C3orf20: variants seen among roughly 807,000 people sequenced by gnomAD.
C3orf20 encodes the protein uncharacterized protein C3orf20.
C3orf20 carries 76 observed loss-of-function variants against 88.3 expected under a neutral mutation model. The observed-to-expected ratio is 0.86, with a 90% CI of 0.72 to 1.04. The LOEUF (loss-of-function observed/expected upper bound fraction) is 1.04, where lower values mean the gene tolerates loss of function less well. Among genes scored for constraint, C3orf20 ranks in the 50% least tolerant of loss-of-function variants. The pLI is 0.00. For missense variants in C3orf20, 1,056 were observed against 1,123.3 expected (o/e 0.94, Z 0.86); for synonymous variants, 436 against 437.4 (o/e 1.00, Z 0.04).
rs7644603 is a variant in C3orf20, at chr3:14,710,151, A to G, written c.1161-3856A>G. On this transcript the variant is annotated intron_variant, in intron 7 of 16. Transcript: ENST00000253697. ...TACGTTATCTGACTTTATGGTGTAC[A>G]GCTATTCATATTATTGTATCATTGT... Among the ~76,000 whole-genome samples the G allele has an allele frequency of 5.7e-3, 866 of 151,660 alleles. 7 individuals carry two copies. Among genetic ancestry groups the G allele is most frequent in the African/African-American group, 0.018 (744 of 41,432 alleles).
intron 12 of C3orf20, among the ~76,000 whole-genome samples, chr3:14,745,623 A>G (rs1057111673): frequency 1.3e-5 from 2 of 152,214 alleles, no homozygotes; most frequent in Non-Finnish European, 2.9e-5. Flanking sequence ...CTATATCTGT[A>G]AATAAATTCC....
intron 4 of C3orf20, among the ~76,000 whole-genome samples, chr3:14,687,910 T>C (rs2032513396): frequency 6.6e-6 from 1 of 152,154 alleles, no homozygotes; most frequent in South Asian, 2.1e-4. Flanking sequence ...CACCAGCCGA[T>C]TGCTGAGAGC....
At chr3:14,707,406 T>C (rs1368365605) in intron 7 of C3orf20, among the ~76,000 whole-genome samples, 1 of 151,916 alleles carries the variant, frequency 6.6e-6, no homozygotes, top group Non-Finnish European at 1.5e-5. Context: ...GGTTTTAACT[T>C]ATGTTTACCT....
intron 12 of C3orf20, among the ~76,000 whole-genome samples, chr3:14,752,966 G>A (rs746222552): frequency 3.3e-5 from 5 of 152,158 alleles, no homozygotes; most frequent in African/African-American, 4.8e-5. Context: ...AATACCATTT[G>A]ACCCAGCAAT....
intron 7 of C3orf20, among the ~76,000 whole-genome samples, chr3:14,712,916 A>G (rs2033807038): frequency 6.6e-6 from 1 of 152,130 alleles, no homozygotes; most frequent in African/African-American, 2.4e-5. Context: ...ATTTTGCTTG[A>G]TATAGAATTG....
chr3:14,767,798 G>A (rs1375020281), intron 15 of C3orf20, among the ~76,000 whole-genome samples: 2 of 152,254 alleles, frequency 1.3e-5, no homozygotes, highest in Non-Finnish European at 2.9e-5. Flanking sequence ...CGCCCTCACG[G>A]GCCTGCTCTC....
rs549838797 is a variant in C3orf20, at chr3:14,708,571, A to G, written c.1160+3953A>G. Among the ~76,000 whole-genome samples, 6 of 152,190 alleles carry G rather than the reference A, an allele frequency of 3.9e-5. No individual in the cohort carries two copies. In the East Asian group the frequency reaches 9.6e-4, roughly 24 times the overall value. On this transcript the variant is annotated intron_variant, in intron 7 of 16. Coordinates refer to ENST00000253697, the MANE Select transcript of C3orf20 (RefSeq NM_032137.5). ...CCATTTCCACAAAAAAAAGGCAATA[A>G]GATTTTGATAGGCATTGCATTGATT...
At chr3:14,686,156 A>G (rs1208136494) in intron 4 of C3orf20, among the ~76,000 whole-genome samples, 1 of 150,974 alleles carries the variant, frequency 6.6e-6, no homozygotes, top group Non-Finnish European at 1.5e-5. Flanking sequence ...CACCACGCCC[A>G]GCCCAGGATT....
chr3:14,699,464 G>A (rs535897367), intron 5 of C3orf20, among the ~76,000 whole-genome samples: 36 of 152,270 alleles, frequency 2.4e-4, no homozygotes, highest in South Asian at 6.2e-4. Context: ...TTCAGTCAGC[G>A]GGTGATGGGT....
At position 14,772,255 on chromosome 3, in the gene C3orf20, G is replaced by A. The variant is rs550350366; in HGVS notation, c.2630+54G>A. The A allele has an allele frequency of 9.9e-6, 16 of 1,611,790 alleles. No individual in the cohort carries two copies. In the Middle Eastern group the frequency reaches 5.0e-4, roughly 51 times the overall value. ...GGCGTGGCTCACAGCAGGCCACCTC[G>A]GGGCTATTTGGCCTTGGGCAAGTCA... On this transcript the variant is annotated intron_variant, in intron 16 of 16. Transcript: ENST00000253697. This position sits in a 1 kb window ranked among gnomAD's most constrained non-coding sequence, Gnocchi z 4.2.
intron 12 of C3orf20, among the ~76,000 whole-genome samples, chr3:14,731,598 C>T (rs1444826077): frequency 2.6e-5 from 4 of 152,116 alleles, no homozygotes; most frequent in Admixed American, 6.6e-5. Flanking sequence ...AATGTTTCTG[C>T]TAAGGAAGCC....
chr3:14,692,225 T>A (rs879798974), intron 5 of C3orf20, among the ~76,000 whole-genome samples: 1 of 152,244 alleles, frequency 6.6e-6, no homozygotes, highest in African/African-American at 2.4e-5. Flanking sequence ...CAGATATCTC[T>A]TCATTATACT....
chr3:14,763,541 TG>T (rs1344875031), intron 15 of C3orf20, among the ~76,000 whole-genome samples: 1 of 152,164 alleles, frequency 6.6e-6, no homozygotes, highest in Non-Finnish European at 1.5e-5. Context: ...CATATCAATT[TG>T]GGGGGACATA....
At chr3:14,753,887 C>G (rs1016186711) in intron 12 of C3orf20, among the ~76,000 whole-genome samples, 2 of 152,138 alleles carry the variant, frequency 1.3e-5, no homozygotes, top group Non-Finnish European at 2.9e-5. Context: ...AAAACAAAAA[C>G]AAAACTCTTC....
chr3:14,772,956 G>C lies in C3orf20; in HGVS notation c.*81G>C. On this transcript the variant is annotated 3_prime_UTR_variant, in exon 17 of 17. Transcript: ENST00000253697. This position sits in a 1 kb window ranked among gnomAD's most constrained non-coding sequence, Gnocchi z 4.2. ...CTTGCCAGCCCAGCCCTGCCTCCCC[G>C]GTCTCCCACCCTGTCCTCCAAGCTT... 9.7e-7 allele frequency: 1 copy of C among 1,028,810 alleles called. No individual in the cohort carries two copies. Among genetic ancestry groups the C allele is most frequent in the South Asian group, 1.3e-5 (1 of 77,290 alleles). The allele number at this position is 1,028,810 out of a possible 1,614,324, so 63.7% of individuals were successfully genotyped here.
Position 14,772,024 on chromosome 3 carries a change from C to T in C3orf20, c.2496-43C>T, listed in dbSNP as rs758436534. 5 of 1,612,640 alleles carry T rather than the reference C, an allele frequency of 3.1e-6. No individual in the cohort carries two copies. The highest frequency in any genetic ancestry group is 3.4e-6 in the Non-Finnish European group (4 of 1,179,276). On this transcript the variant is annotated intron_variant, in intron 15 of 16. Coordinates refer to ENST00000253697, the MANE Select transcript of C3orf20 (RefSeq NM_032137.5). The surrounding 1 kb of genome is among the most constrained non-coding windows in gnomAD (Gnocchi z 4.2). ...CACTGATGGGACAGCGTGCAGTGCA[C>T]CCTGGGCCCTGAGCACTGCCCCCGA...
intron 7 of C3orf20, among the ~76,000 whole-genome samples, chr3:14,710,266 A>G (rs961544053): frequency 4.0e-5 from 6 of 151,646 alleles, no homozygotes; most frequent in Admixed American, 2.0e-4. Context: ...TCAGTCTACT[A>G]GAAGTTTGTG....
intron 12 of C3orf20, among the ~76,000 whole-genome samples, chr3:14,754,328 A>G (rs2035302142): frequency 1.3e-5 from 2 of 152,238 alleles, no homozygotes; most frequent in Non-Finnish European, 1.5e-5. Flanking sequence ...CTGATCCCTC[A>G]GGGAACCTCT....
chr3:14,704,376 C>T lies in C3orf20; in HGVS notation c.918C>T (p.Ser306=), dbSNP rs1177492058. The T allele has an allele frequency of 2.5e-6, 4 of 1,613,976 alleles. No individual in the cohort carries two copies. In the South Asian group the frequency reaches 4.4e-5, roughly 18 times the overall value. The part of the protein sequence containing the change: ...ERATWKGRNI[S]YPMILRNYKA... ...CCACATGGAAAGGGAGGAATATCTCCTACCCCATGATCTTACGAAACTACA... is the reference window on the plus strand; with the variant it reads ...CCACATGGAAAGGGAGGAATATCTCTTACCCCATGATCTTACGAAACTACA... The change falls in exon 7 of 17, where the codon TCC becomes TCT. Residue 306 remains serine (S), a synonymous_variant. Transcript: ENST00000253697.
Sources: gnomAD v4.1 joint callset for allele counts (sites outside exome capture counted in the v4.1 genomes callset) on GRCh38, gnomAD v4.1.1 for gene constraint, Gnocchi (gnomAD v3.1) non-coding constraint, MANE v1.5 for transcripts, NCBI Gene and HGNC (gene_info 2026-07-23, HGNC 2026-07-21) for gene names.